MAP2K3: variants seen among roughly 807,000 people sequenced by gnomAD.
MAP2K3 encodes the protein dual specificity mitogen-activated protein kinase kinase 3.
A neutral mutation model predicts 46.4 loss-of-function variants in MAP2K3; 30 were observed. The ratio of observed to expected loss-of-function variants is 0.65; its 90% confidence interval spans 0.48 to 0.88. MAP2K3 has a LOEUF of 0.88. Among genes scored for constraint, MAP2K3 ranks in the 40% least tolerant of loss-of-function variants. The probability of loss-of-function intolerance (pLI) is 0.00; values close to 1 mark genes in which losing one functional copy is unlikely to be tolerated. For synonymous variants in MAP2K3, 189 were observed against 176.3 expected (o/e 1.07, Z -0.57); for missense variants, 380 against 464.5 (o/e 0.82, Z 1.67).
At chr17:21,307,889 T>C (rs1976975526) in intron 9 of MAP2K3, among the ~76,000 whole-genome samples, 1 of 144,140 alleles carries the variant, frequency 6.9e-6, no homozygotes, top group Non-Finnish European at 1.5e-5. Flanking sequence ...GGAGTTGCAC[T>C]CTGTTGCCTA....
In MAP2K3 at chr17:21,313,542, G is replaced by A; in HGVS notation, c.960+5G>A. On this transcript the variant is annotated splice_donor_5th_base_variant and intron_variant, in intron 11 of 11. Coordinates refer to ENST00000342679, the MANE Select transcript of MAP2K3 (RefSeq NM_145109.3). ...ATGAGCTACCTGGAGCTGATGGTGA[G>A]TATGGGCGGGAGGTGCCTGCCCTGC... The A allele has an allele frequency of 7.2e-7, 1 of 1,394,362 alleles. No homozygotes were observed. Among genetic ancestry groups the A allele is most frequent in the East Asian group, 3.3e-5 (1 of 30,262 alleles). The allele number at this position is 1,394,362 out of a possible 1,614,324, so 86.4% of individuals were successfully genotyped here.
chr17:21,296,308 G>A (rs1976248080), intron 1 of MAP2K3: 1 of 709,100 alleles, frequency 1.4e-6, no homozygotes, highest in Admixed American at 2.5e-5. Context: ...GTTTACCACG[G>A]CTGCGCCACT....
chr17:21,312,869 C>T (rs78992970), intron 10 of MAP2K3, among the ~76,000 whole-genome samples: 22 of 149,676 alleles, frequency 1.5e-4, no homozygotes, highest in African/African-American at 4.9e-4. Flanking sequence ...GAGCCTGAGC[C>T]GAGATCATGC....
At chr17:21,298,085 T>C (rs1180783449) in intron 1 of MAP2K3, among the ~76,000 whole-genome samples, 1 of 152,310 alleles carries the variant, frequency 6.6e-6, no homozygotes, top group Non-Finnish European at 1.5e-5. Context: ...TCCCATTGAC[T>C]AGTCAGGCAG....
At chr17:21,309,076 T>G (rs72838556) in intron 9 of MAP2K3, among the ~76,000 whole-genome samples, 58 of 152,358 alleles carry the variant, frequency 3.8e-4, no homozygotes, top group Middle Eastern at 3.4e-3. Flanking sequence ...GCTGGGCTGG[T>G]CTGGAAGGCC....
intron 1 of MAP2K3, among the ~76,000 whole-genome samples, chr17:21,292,248 G>A (rs1019990464): frequency 6.6e-6 from 1 of 152,310 alleles, no homozygotes; most frequent in Non-Finnish European, 1.5e-5. Flanking sequence ...AGGCCTCTTT[G>A]TTTCTTCTTT....
intron 3 of MAP2K3, chr17:21,300,336 CA>C: frequency 1.6e-6 from 1 of 609,508 alleles, no homozygotes; most frequent in Non-Finnish European, 2.9e-6. Flanking sequence ...GGGGTGTTGG[CA>C]CTGTGCCTGT....
intron 7 of MAP2K3, among the ~76,000 whole-genome samples, chr17:21,303,832 G>A (rs1172245219): frequency 2.0e-5 from 3 of 152,312 alleles, no homozygotes; most frequent in African/African-American, 4.8e-5. Flanking sequence ...TCCACTGGGT[G>A]CCCATCCCAG....
At chr17:21,303,374 T>A (rs1334197049) in intron 7 of MAP2K3, 140 bp downstream of exon 7, 7 of 1,227,742 alleles carry the variant, frequency 5.7e-6, no homozygotes, top group Non-Finnish European at 8.0e-6. Flanking sequence ...TCCAGCCGCT[T>A]TCCACCTGCA....
intron 2 of MAP2K3, among the ~76,000 whole-genome samples, 191 bp from the exon 3 acceptor site, chr17:21,298,687 G>A (rs1180486304): frequency 6.6e-6 from 1 of 152,310 alleles, no homozygotes; most frequent in African/African-American, 2.4e-5. Context: ...CCCTGTCTTG[G>A]AGGCTCGATG....
intron 1 of MAP2K3, among the ~76,000 whole-genome samples, chr17:21,292,920 C>G (rs1976024314): frequency 6.6e-6 from 1 of 152,308 alleles, no homozygotes; most frequent in East Asian, 1.9e-4. Flanking sequence ...CCTTTTGATT[C>G]TATAAACCCT....
intron 7 of MAP2K3, among the ~76,000 whole-genome samples, chr17:21,303,918 C>G (rs913349968): frequency 6.6e-5 from 10 of 152,302 alleles, no homozygotes; most frequent in African/African-American, 2.4e-4. Flanking sequence ...TCTTTACACA[C>G]ATCCCCATGG....
intron 1 of MAP2K3, chr17:21,291,651 G>T (rs757037447): frequency 6.7e-6 from 3 of 451,096 alleles, no homozygotes; most frequent in South Asian, 1.6e-5. Context: ...CTGCCCCACA[G>T]TGTGGGAGCC....
At chr17:21,303,930 G>A (rs553125382) in intron 7 of MAP2K3, among the ~76,000 whole-genome samples, 219 of 152,334 alleles carry the variant, frequency 1.4e-3, no homozygotes, top group African/African-American at 5.1e-3. Flanking sequence ...TCCCCATGGA[G>A]GGCACGGGGA....
chr17:21,298,406 A>AT lies in MAP2K3; in HGVS notation c.50-5dup. 6.2e-7 allele frequency: 1 copy of AT among 1,614,320 alleles called. No homozygotes were observed. Among genetic ancestry groups the AT allele is most frequent in the South Asian group, 1.1e-5 (1 of 91,092 alleles). On this transcript the variant is annotated splice_polypyrimidine_tract_variant and splice_region_variant and intron_variant, in intron 1 of 11. Transcript: ENST00000342679. Reference sequence around the variant, plus strand: ...AGGCCAGACGCCTCACCTTCTCTCCATTCTAGGAAAATCCAAGAGGAAGAA... The same window carrying AT: ...AGGCCAGACGCCTCACCTTCTCTCCATTTCTAGGAAAATCCAAGAGGAAGAA...
Position 21,298,942 on chromosome 17 carries a change from C to T in MAP2K3, c.165+16C>T, listed in dbSNP as rs1455639762. ...TGGAGACAGAGTAGGTGCCAGCCGC[C>T]ACCCCTGCAGGGCCTCTCACTTCAC... On this transcript the variant is annotated intron_variant, in intron 3 of 11. Transcript: ENST00000342679. 2 of 1,614,130 alleles carry T rather than the reference C, an allele frequency of 1.2e-6. No individual in the cohort carries two copies. Among genetic ancestry groups the T allele is most frequent in the South Asian group, 1.1e-5 (1 of 91,096 alleles).
intron 9 of MAP2K3, among the ~76,000 whole-genome samples, chr17:21,311,099 G>T (rs1347359530): frequency 1.3e-5 from 2 of 152,172 alleles, no homozygotes; most frequent in Non-Finnish European, 2.9e-5. Context: ...GGGTGTGTTT[G>T]TCTGAGCTGG....
intron 9 of MAP2K3, among the ~76,000 whole-genome samples, chr17:21,307,198 C>A (rs919438175): frequency 6.6e-6 from 1 of 152,278 alleles, no homozygotes; most frequent in Non-Finnish European, 1.5e-5. Flanking sequence ...GGAGCAGCCC[C>A]ATCTGAGGCT....
intron 1 of MAP2K3, 27 bp from the exon 2 acceptor site, chr17:21,298,386 A>G (rs775206614): frequency 6.2e-7 from 1 of 1,614,274 alleles, no homozygotes; most frequent in Non-Finnish European, 8.5e-7. Context: ...GGGATAGGCC[A>G]GACGCCTCAC....
Sources: gnomAD v4.1 joint callset for allele counts (sites outside exome capture counted in the v4.1 genomes callset) on GRCh38, gnomAD v4.1.1 for gene constraint, MANE v1.5 for transcripts, NCBI Gene and HGNC (gene_info 2026-07-23, HGNC 2026-07-21) for gene names.